Variants in RNPEP observed in about 807,000 individuals in gnomAD.
The protein encoded by RNPEP is arginyl aminopeptidase.
Under a neutral mutation model 70.1 loss-of-function variants are expected in RNPEP, and 57 were observed. The observed-to-expected ratio is 0.81, with a 90% CI of 0.66 to 1.01. RNPEP has a LOEUF of 1.01. Among genes scored for constraint, RNPEP ranks in the 50% least tolerant of loss-of-function variants. The pLI is 0.00. For synonymous variants in RNPEP, 335 were observed against 357.4 expected, an observed-to-expected ratio of 0.94 and a Z score of 0.71; for missense variants, 787 against 852.4, an observed-to-expected ratio of 0.92 and a Z score of 0.96.
At chr1:201,983,820 G>A in intron 1 of RNPEP, 1 of 1,052,694 alleles carries the variant, frequency 9.5e-7, no homozygotes, top group Non-Finnish European at 1.1e-6. Flanking sequence ...TGTGGCTTAT[G>A]TCTGTAAGAG....
At chr1:202,000,308 T>G (rs1215084137) in intron 6 of RNPEP, 2 of 282,022 alleles carry the variant, frequency 7.1e-6, no homozygotes, top group Non-Finnish European at 1.4e-5. Flanking sequence ...TTCATGATCA[T>G]CAGGGCAGAT....
intron 6 of RNPEP, among the ~76,000 whole-genome samples, chr1:202,000,701 C>T (rs1299333422): frequency 6.6e-6 from 1 of 152,028 alleles, no homozygotes; most frequent in East Asian, 1.9e-4. Flanking sequence ...TCGAGACCAG[C>T]CTAGCCAATA....
intron 7 of RNPEP, 22 bp from the exon 8 acceptor site, chr1:202,001,637 A>G (rs1683814497): frequency 6.3e-7 from 1 of 1,585,036 alleles, no homozygotes; most frequent in South Asian, 1.1e-5. Flanking sequence ...GAGAGGGTCT[A>G]AAGAGCTTTC....
At chr1:202,004,770 G>A (rs1340859535) in intron 10 of RNPEP, among the ~76,000 whole-genome samples, 2 of 152,258 alleles carry the variant, frequency 1.3e-5, no homozygotes, top group East Asian at 1.9e-4. Context: ...ACGCAGAGGC[G>A]GGAAAGAGGG....
At position 201,989,446 on chromosome 1, in the gene RNPEP, T is replaced by C. The variant is rs547901299; in HGVS notation, c.652T>C (p.Phe218Leu). The C allele has an allele frequency of 6.8e-6, 11 of 1,614,080 alleles. No individual in the cohort carries two copies. The Middle Eastern group carries it at 6.6e-4, about 97-fold the overall frequency. Residue 218 changes from phenylalanine to leucine, a missense_variant, in exon 3 of 11, where the codon TTC (phenylalanine) becomes CTC (leucine). By Grantham distance (22) the Phe-to-Leu change is conservative (BLOSUM62 0). Coordinates refer to ENST00000295640, the MANE Select transcript of RNPEP (RefSeq NM_020216.4). ...CTGGGAGAAGAGAGGTCCAAATAAG[T>C]TCTTCTTCCAGATGTGTCAGCCCAT... ...STWEKRGPNKFFFQMCQPIPS... is the reference protein window; with the variant it reads ...STWEKRGPNKLFFQMCQPIPS...
chr1:202,000,668 G>A (rs1190707498), intron 6 of RNPEP, among the ~76,000 whole-genome samples: 6 of 152,104 alleles, frequency 3.9e-5, no homozygotes, highest in Admixed American at 1.3e-4. Flanking sequence ...AGGTCAAAGC[G>A]GGTGGATCAT....
chr1:201,996,023 A>G (rs557932600), intron 3 of RNPEP, 124 bp from the exon 4 acceptor site: 233 of 694,740 alleles, frequency 3.4e-4, no homozygotes, highest in Non-Finnish European at 5.5e-4. Flanking sequence ...GCACTCCGTC[A>G]CTGTGGCTGA....
In RNPEP at chr1:201,997,519, T is replaced by G. The variant is rs772680863; in HGVS notation, c.1055T>G (p.Met352Arg). The G allele has an allele frequency of 6.2e-7, 1 of 1,614,136 alleles. No individual in the cohort carries two copies. The highest frequency in any genetic ancestry group is 8.5e-7 in the Non-Finnish European group (1 of 1,180,024). ...TTCTGGCTCAATGAAGGTTTCACCA[T>G]GTACGCCCAGAGGAGGATCTCCACC... ...GEFWLNEGFT[M>R]YAQRRISTIL... The change falls in exon 5 of 11, where the codon ATG becomes AGG. Residue 352 changes from methionine to arginine, a missense_variant. Physicochemically the swap from Met to Arg is moderately conservative, Grantham distance 91 (BLOSUM62 -1). Transcript: ENST00000295640.
At chr1:201,991,349 G>A (rs113561851) in intron 3 of RNPEP, among the ~76,000 whole-genome samples, 2 of 152,042 alleles carry the variant, frequency 1.3e-5, no homozygotes, top group African/African-American at 4.8e-5. Flanking sequence ...TCCTGACCTC[G>A]TGATCCATCC....
chr1:201,996,100 G>A (rs370794098), intron 3 of RNPEP, 47 bp from the exon 4 acceptor site: 159 of 1,481,344 alleles, frequency 1.1e-4, no homozygotes, highest in Middle Eastern at 3.5e-4. Context: ...AGGTCACTGC[G>A]ATGGTCTCTA....
chr1:202,005,528 C>A (rs372808657), intron 10 of RNPEP, 30 bp from the exon 11 acceptor site: 2 of 1,610,644 alleles, frequency 1.2e-6, no homozygotes, highest in Non-Finnish European at 1.7e-6. Flanking sequence ...AGGCAAGCTT[C>A]TTAGGCATGT....
At chr1:201,991,266 C>T (rs925478472) in intron 3 of RNPEP, among the ~76,000 whole-genome samples, 2 of 152,170 alleles carry the variant, frequency 1.3e-5, no homozygotes, top group African/African-American at 4.8e-5. Flanking sequence ...AGGTGTGTGC[C>T]ACCATTTCTG....
At chr1:201,983,708 G>A (rs1683024572) in intron 1 of RNPEP, 1 of 1,168,728 alleles carries the variant, frequency 8.6e-7, no homozygotes. Flanking sequence ...ACTGGAATTA[G>A]GGTGCTATAA....
intron 3 of RNPEP, among the ~76,000 whole-genome samples, chr1:201,992,803 C>T (rs1397670783): frequency 1.3e-5 from 2 of 152,142 alleles, no homozygotes; most frequent in Non-Finnish European, 2.9e-5. Flanking sequence ...ACAGTAATAA[C>T]CACTACACCT....
At chr1:201,986,502 G>A (rs1202704702) in intron 1 of RNPEP, among the ~76,000 whole-genome samples, 1 of 150,644 alleles carries the variant, frequency 6.6e-6, no homozygotes, top group Non-Finnish European at 1.5e-5. Context: ...GGGTTTTGAG[G>A]GGCAATTCAC....
intron 1 of RNPEP, chr1:201,983,348 CT>C: frequency 6.0e-6 from 9 of 1,495,742 alleles, no homozygotes; most frequent in Non-Finnish European, 8.0e-6. Flanking sequence ...GCGGTGCATC[CT>C]TCACCCTTTC....
chr1:202,002,405 A>G (rs897571214), intron 8 of RNPEP, among the ~76,000 whole-genome samples: 7 of 151,948 alleles, frequency 4.6e-5, no homozygotes, highest in African/African-American at 1.7e-4. Flanking sequence ...CAGGTGATCC[A>G]CCTGCCTCGG....
Position 201,982,940 on chromosome 1 carries a change from G to C in RNPEP, c.274G>C (p.Ala92Pro). ...SHPCLEVTAAALRRERPGSEE... is the reference protein window; with the variant it reads ...SHPCLEVTAAPLRRERPGSEE... ...CCCGTGCCTGGAGGTGACGGCGGCG[G>C]CGCTGCGGCGGGAGCGGCCCGGCTC... is the stretch of plus-strand genomic sequence containing the variant. The change falls in exon 1 of 11, where the codon GCG becomes CCG. Residue 92 changes from alanine to proline, a missense_variant. Transcript: ENST00000295640. 1 of 1,490,368 alleles carries C rather than the reference G, an allele frequency of 6.7e-7. No homozygotes were observed. Among genetic ancestry groups the C allele is most frequent in the Non-Finnish European group, 8.9e-7 (1 of 1,123,550 alleles). The allele number at this position is 1,490,368 out of a possible 1,614,324, so 92.3% of individuals were successfully genotyped here. A position where few individuals can be genotyped will look rare whatever the true frequency, so the allele number is the denominator to read the frequency against.
intron 3 of RNPEP, 133 bp from the exon 4 acceptor site, chr1:201,996,014 C>CGG: frequency 1.5e-6 from 1 of 661,640 alleles, no homozygotes; most frequent in South Asian, 1.9e-5. Context: ...TCCGATCTTG[C>CGG]ACTCCGTCAC....
Sources: gnomAD v4.1 joint callset for allele counts (sites outside exome capture counted in the v4.1 genomes callset) on GRCh38, gnomAD v4.1.1 for gene constraint, MANE v1.5 for transcripts, NCBI Gene and HGNC (gene_info 2026-07-23, HGNC 2026-07-21) for gene names.